The following EYA1 variants were observed in gnomAD, a reference collection of about 807,000 sequenced individuals.
EYA1 encodes the protein protein phosphatase EYA1.
In EYA1, 16 loss-of-function variants were observed where a neutral mutation model predicts 82.0. The observed-to-expected ratio is 0.20, with a 90% CI of 0.13 to 0.30. The LOEUF (loss-of-function observed/expected upper bound fraction) is 0.30, where lower values mean the gene tolerates loss of function less well. Ranked by LOEUF, EYA1 falls within the 10% of genes least tolerant of loss-of-function variation. The pLI is 1.00. For missense variants in EYA1, 633 were observed against 730.7 expected (o/e 0.87, Z 1.54); for synonymous variants, 261 against 264.4 (o/e 0.99, Z 0.12).
intron 2 of EYA1, among the ~76,000 whole-genome samples, chr8:71,381,875 T>C (rs1828723736): frequency 6.6e-6 from 1 of 152,224 alleles, no homozygotes; most frequent in African/African-American, 2.4e-5. Flanking sequence ...AGTTAACAGG[T>C]TGATTCTAAG....
chr8:71,438,749 G>T (rs1471914875), intron 2 of EYA1, among the ~76,000 whole-genome samples: 1 of 152,158 alleles, frequency 6.6e-6, no homozygotes, highest in African/African-American at 2.4e-5. Context: ...ACTGAGACAG[G>T]CAATGCCACA....
chr8:71,250,825 G>A (rs1041936240), intron 11 of EYA1, among the ~76,000 whole-genome samples: 4 of 152,170 alleles, frequency 2.6e-5, no homozygotes, highest in South Asian at 2.1e-4. Flanking sequence ...TTTGGTGGAG[G>A]AATAAATGAA....
At chr8:71,406,263 T>C (rs1461960850) in intron 2 of EYA1, among the ~76,000 whole-genome samples, 1 of 152,212 alleles carries the variant, frequency 6.6e-6, no homozygotes, top group Non-Finnish European at 1.5e-5. Flanking sequence ...CCATCAACTT[T>C]TATAAAGCAA....
chr8:71,497,418 G>A (rs1811495459), intron 2 of EYA1, among the ~76,000 whole-genome samples: 1 of 152,174 alleles, frequency 6.6e-6, no homozygotes, highest in Non-Finnish European at 1.5e-5. Context: ...AATGGGCAAA[G>A]TCCCTGAATA....
At chr8:71,535,347 C>T (rs1228787433) in intron 2 of EYA1, among the ~76,000 whole-genome samples, 1 of 152,132 alleles carries the variant, frequency 6.6e-6, no homozygotes, top group Non-Finnish European at 1.5e-5. Flanking sequence ...AAGACACATA[C>T]ACACAGGTAT....
intron 2 of EYA1, among the ~76,000 whole-genome samples, chr8:71,524,725 C>T (rs183690660): frequency 4.7e-4 from 71 of 152,218 alleles, no homozygotes; most frequent in African/African-American, 1.6e-3. Flanking sequence ...CAAGAATGGG[C>T]GAGTGAATGT....
At chr8:71,530,716 T>C (rs1449146782) in intron 2 of EYA1, among the ~76,000 whole-genome samples, 1 of 152,240 alleles carries the variant, frequency 6.6e-6, no homozygotes, top group African/African-American at 2.4e-5. Flanking sequence ...CCAGTTTGGT[T>C]AAAAGTCACC....
At chr8:71,514,213 ATTTGTATTTATCTT>A (rs1812802559) in intron 2 of EYA1, among the ~76,000 whole-genome samples, 1 of 152,008 alleles carries the variant, frequency 6.6e-6, no homozygotes, top group African/African-American at 2.4e-5. Flanking sequence ...TACTTTGTAG[ATTTGTATTTATCTT>A]TTGCTCTTGA....
Position 71,272,164 on chromosome 8 carries a change from T to G in EYA1, c.827-267A>C, listed in dbSNP as rs112080110. ...TGTACAAGGTTGCCTGCATCTTCCA[T>G]GTGGTTCTCTGTGATTAGAGAACGC... On this transcript the variant is annotated intron_variant, in intron 9 of 17. Transcript: ENST00000340726. Among the ~76,000 whole-genome samples, 311 of 152,328 alleles carry G rather than the reference T, an allele frequency of 2.0e-3. 1 individual carries two copies. The highest frequency in any genetic ancestry group is 5.8e-3 in the African/African-American group (239 of 41,560).
chr8:71,547,223 T>G (rs1047617097), intron 1 of EYA1, among the ~76,000 whole-genome samples: 1 of 152,224 alleles, frequency 6.6e-6, no homozygotes, highest in African/African-American at 2.4e-5. Flanking sequence ...AGTATCTGCC[T>G]GCCTGGGCTG....
intron 2 of EYA1, among the ~76,000 whole-genome samples, chr8:71,382,853 C>G (rs10103172): frequency 1.3e-5 from 2 of 151,744 alleles, no homozygotes; most frequent in African/African-American, 4.8e-5. Context: ...GATTCTATAA[C>G]GAATACATTT....
chr8:71,480,097 A>G (rs1372600424), intron 2 of EYA1, among the ~76,000 whole-genome samples: 2 of 152,196 alleles, frequency 1.3e-5, no homozygotes, highest in Non-Finnish European at 2.9e-5. Context: ...AATAAAGAAG[A>G]AGAAAGAAAA....
intron 2 of EYA1, among the ~76,000 whole-genome samples, chr8:71,458,818 G>A (rs1044815769): frequency 1.3e-5 from 2 of 152,138 alleles, no homozygotes; most frequent in African/African-American, 4.8e-5. Flanking sequence ...CCAAATGGAA[G>A]ATGTTAACGA....
chr8:71,279,925 A>G (rs1366242754), intron 9 of EYA1, among the ~76,000 whole-genome samples: 1 of 152,204 alleles, frequency 6.6e-6, no homozygotes, highest in Non-Finnish European at 1.5e-5. Context: ...TACAGTAAAT[A>G]TTTTAGGCTT....
At chr8:71,513,978 G>A (rs1304263048) in intron 2 of EYA1, among the ~76,000 whole-genome samples, 1 of 152,016 alleles carries the variant, frequency 6.6e-6, no homozygotes, top group African/African-American at 2.4e-5. Context: ...TCCTTTTTAT[G>A]GCTGAATAGT....
chr8:71,302,779 T>C (rs1820341017), intron 7 of EYA1, among the ~76,000 whole-genome samples: 1 of 142,044 alleles, frequency 7.0e-6, no homozygotes, highest in Non-Finnish European at 1.6e-5. Flanking sequence ...CCTCCTCTAC[T>C]GGTTTCTTTA....
chr8:71,368,656 A>T (rs1827898940), intron 2 of EYA1, among the ~76,000 whole-genome samples: 1 of 152,182 alleles, frequency 6.6e-6, no homozygotes, highest in Non-Finnish European at 1.5e-5. Flanking sequence ...AATTTGCAGT[A>T]TCGTCACAGT....
In EYA1 at chr8:71,286,806, T is replaced by A. The variant is rs1333634381; in HGVS notation, c.826+12241A>T. Among the ~76,000 whole-genome samples, 3 of 124,704 alleles carry A rather than the reference T, an allele frequency of 2.4e-5. No individual in the cohort carries two copies. The Admixed American group carries it at 2.9e-4, about 12-fold the overall frequency. The allele number at this position is 124,704 out of a possible 152,430, so 81.8% of individuals were successfully genotyped here. A position where few individuals can be genotyped will look rare whatever the true frequency, so the allele number is the denominator to read the frequency against. On this transcript the variant is annotated intron_variant, in intron 9 of 17. Coordinates refer to ENST00000340726, the MANE Select transcript of EYA1 (RefSeq NM_000503.6). ...TAATTTCATATTGGTAGTTTTTTTT[T>A]TTTTTTTTTTTTTTGAGACAGAGAC...
intron 12 of EYA1, among the ~76,000 whole-genome samples, chr8:71,239,533 T>C (rs982385597): frequency 6.6e-6 from 1 of 152,200 alleles, no homozygotes; most frequent in Non-Finnish European, 1.5e-5. Flanking sequence ...TTGCTGAATT[T>C]GTCAGGAGAA....
Sources: allele counts gnomAD v4.1 joint callset (sites outside exome capture counted in the v4.1 genomes callset), GRCh38; gene constraint gnomAD v4.1.1; transcripts MANE v1.5; gene names NCBI Gene and HGNC (gene_info 2026-07-23, HGNC 2026-07-21).